The following ATP2B4 variants were observed in gnomAD, a reference collection of about 807,000 sequenced individuals.
The protein encoded by ATP2B4 is ATPase plasma membrane Ca2+ transporting 4.
ATP2B4 carries 39 observed loss-of-function variants against 110.3 expected under a neutral mutation model. The observed-to-expected ratio is 0.35, with a 90% CI of 0.27 to 0.46. The LOEUF (loss-of-function observed/expected upper bound fraction) is 0.46. Among genes scored for constraint, ATP2B4 ranks in the 20% least tolerant of loss-of-function variants. The pLI is 1.00. For synonymous variants in ATP2B4, 538 were observed against 571.7 expected, an observed-to-expected ratio of 0.94 and a Z score of 0.84; for missense variants, 1,135 against 1,530.9, an observed-to-expected ratio of 0.74 and a Z score of 4.32.
chr1:203,681,408 G>A (rs1665005540), intron 1 of ATP2B4, among the ~76,000 whole-genome samples: 1 of 152,206 alleles, frequency 6.6e-6, no homozygotes, highest in African/African-American at 2.4e-5. Context: ...AGAAGTAAGT[G>A]TGGCATCTAT....
rs146752420 is a variant in ATP2B4, at chr1:203,662,311, C to A, written c.-464-20431C>A. Among the ~76,000 whole-genome samples, 21 of 152,330 alleles carry A rather than the reference C, an allele frequency of 1.4e-4. No individual in the cohort carries two copies. In the East Asian group the frequency reaches 3.1e-3, roughly 22 times the overall value. On this transcript the variant is annotated intron_variant, in intron 1 of 20. Transcript: ENST00000357681. ...AAAGTGTTGGGATTACAGGCATGAGCCACCGCTCCCAGCTTATCTTAACCA... is the reference window on the plus strand; with the variant it reads ...AAAGTGTTGGGATTACAGGCATGAGACACCGCTCCCAGCTTATCTTAACCA...
At chr1:203,713,067 C>T (rs1276496807) in intron 13 of ATP2B4, 98 bp from the exon 14 acceptor site, 2 of 1,284,780 alleles carry the variant, frequency 1.6e-6, no homozygotes, top group African/African-American at 1.5e-5. Context: ...CTGTGGTGTA[C>T]CCAATCTCCC....
chr1:203,648,994 C>T (rs897566679), intron 1 of ATP2B4, among the ~76,000 whole-genome samples: 3 of 152,108 alleles, frequency 2.0e-5, no homozygotes, highest in Non-Finnish European at 2.9e-5. Flanking sequence ...CTCTTGAATA[C>T]CTTACAGGGT....
chr1:203,699,834 G>T, intron 4 of ATP2B4, 117 bp downstream of exon 4: 1 of 1,487,956 alleles, frequency 6.7e-7, no homozygotes, highest in Non-Finnish European at 9.1e-7. Context: ...ATCCAAAATT[G>T]TATTCACTTC....
In ATP2B4 at chr1:203,739,731, G is replaced by A. The variant is rs1666958155; in HGVS notation, c.3495G>A (p.Arg1165=). The change falls in exon 21 of 21, where the codon AGG becomes AGA. Residue 1165 remains arginine, a synonymous_variant. Coordinates refer to ENST00000357681, the MANE Select transcript of ATP2B4 (RefSeq NM_001684.5). The part of the protein sequence containing the change: ...NPDKASKFGT[R]VLLLDGEVTP... ...ACAAGGCTTCTAAGTTTGGGACTAG[G>A]GTGCTCCTGTTGGATGGTGAGGTCA... 6.2e-6 allele frequency: 10 copies of A among 1,614,128 alleles called. No individual in the cohort carries two copies. Among genetic ancestry groups the A allele is most frequent in the Non-Finnish European group, 8.5e-6 (10 of 1,180,034 alleles).
In ATP2B4 at chr1:203,700,705, G is replaced by A. The variant is rs1023237672; in HGVS notation, c.776-93G>A. On this transcript the variant is annotated intron_variant, in intron 5 of 20. Transcript: ENST00000357681. ...CACATCATTATCCATGGGGTAGGGA[G>A]GAGTATTTTTTCTTCTAAGTTTGTG... 5.3e-6 allele frequency: 8 copies of A among 1,511,668 alleles called. No homozygotes were observed. In the Admixed American group the frequency reaches 6.9e-5, roughly 13 times the overall value. 93.6% of individuals were successfully genotyped at this position (1,511,668 alleles called of 1,614,324 possible). A position where few individuals can be genotyped will look rare whatever the true frequency, so the allele number is the denominator to read the frequency against.
At chr1:203,652,378 T>G (rs925855693) in intron 1 of ATP2B4, among the ~76,000 whole-genome samples, 2 of 152,168 alleles carry the variant, frequency 1.3e-5, no homozygotes, top group South Asian at 4.1e-4. Flanking sequence ...ACTCCTGACC[T>G]CAAATGATCC....
In ATP2B4 at chr1:203,710,896, C is replaced by G; in HGVS notation, c.1819C>G (p.Arg607Gly). Residue 607 changes from arginine (R) to glycine (G), a missense_variant, in exon 12 of 21, where the codon CGG (arginine) becomes GGG (glycine). Physicochemically the swap from Arg to Gly is moderately radical, Grantham distance 125 (BLOSUM62 -2). This residue lies in a region of ATP2B4 where 368 missense variants were observed against 455.9 expected (regional missense o/e 0.81). Transcript: ENST00000357681. ...ILRKCNRILD[R>G]KGEAVPFKNK... ...CCCCAGGTGTAATCGAATCCTGGAC[C>G]GGAAAGGGGAAGCAGTGCCATTCAA... 2 of 1,613,442 alleles carry G rather than the reference C, an allele frequency of 1.2e-6. No individual in the cohort carries two copies. Among genetic ancestry groups the G allele is most frequent in the Non-Finnish European group, 1.7e-6 (2 of 1,179,720 alleles).
In ATP2B4 at chr1:203,723,868, T is replaced by C; in HGVS notation, c.3025-13T>C. 1 of 1,592,040 alleles carries C rather than the reference T, an allele frequency of 6.3e-7. No homozygotes were observed. Among genetic ancestry groups the C allele is most frequent in the Non-Finnish European group, 8.6e-7 (1 of 1,169,470 alleles). ...ATTTCCTTGATGGTGGGCTGCCCCT[T>C]TCTCTGTTCTAGATTTTCATCGTGG... On this transcript the variant is annotated splice_polypyrimidine_tract_variant and intron_variant, in intron 18 of 20. Transcript: ENST00000357681.
intron 1 of ATP2B4, among the ~76,000 whole-genome samples, chr1:203,639,982 T>C (rs1427505764): frequency 6.6e-6 from 1 of 152,248 alleles, no homozygotes; most frequent in Admixed American, 6.5e-5. Context: ...TTAGCTTCAG[T>C]TGGTACATGC....
chr1:203,712,410 G>A (rs1029832098), intron 13 of ATP2B4, among the ~76,000 whole-genome samples: 3 of 152,048 alleles, frequency 2.0e-5, no homozygotes, highest in African/African-American at 7.2e-5. Flanking sequence ...GGCCAACATG[G>A]TGAAACCCCG....
chr1:203,687,692 G>T (rs886457734), intron 2 of ATP2B4, among the ~76,000 whole-genome samples: 1 of 152,184 alleles, frequency 6.6e-6, no homozygotes, highest in Middle Eastern at 3.4e-3. Flanking sequence ...GGGGGCTTAT[G>T]GAACTTGAAG....
intron 1 of ATP2B4, among the ~76,000 whole-genome samples, chr1:203,636,809 A>C (rs1663452655): frequency 6.6e-6 from 1 of 151,908 alleles, no homozygotes; most frequent in Non-Finnish European, 1.5e-5. Context: ...CCCAAACCAA[A>C]CTCTTTTATC....
rs1329201129 is a variant in ATP2B4 at position 203,710,952 on chromosome 1, T to G, written c.1875T>G (p.Thr625=). The G allele has an allele frequency of 1.2e-6, 2 of 1,614,192 alleles. No homozygotes were observed. Among genetic ancestry groups the G allele is most frequent in the African/African-American group, 2.7e-5 (2 of 75,046 alleles). ...AAGACAGAGATGATATGGTACGCAC[T>G]GTCATCGAGCCCATGGCCTGTGATG... ...KNKDRDDMVR[T]VIEPMACDGL... is the part of the protein sequence containing the mutation. The change falls in exon 12 of 21, where the codon ACT becomes ACG. Residue 625 remains threonine, a synonymous_variant. Transcript: ENST00000357681.
Position 203,721,134 on chromosome 1 carries a change from G to A in ATP2B4, c.2599-63G>A, listed in dbSNP as rs1024641203. 9.4e-5 allele frequency: 148 copies of A among 1,567,986 alleles called. No individual in the cohort carries two copies. In the Admixed American group the frequency reaches 1.9e-3, roughly 20 times the overall value. ...GGTGGGTCGTGGGAGCTGGGCCATC[G>A]ACAGGGCAAAGGTGGGCTGGTTTCA... On this transcript the variant is annotated intron_variant, in intron 16 of 20. Transcript: ENST00000357681.
intron 1 of ATP2B4, among the ~76,000 whole-genome samples, chr1:203,646,342 A>G (rs9943283): frequency 0.98 from 148,725 of 152,298 alleles, 72,741 homozygotes; most frequent in Middle Eastern, 1. Flanking sequence ...CCAAGGGTGC[A>G]GTGGCACGTG....
rs932535787 is a variant in ATP2B4, at chr1:203,682,770, G to A, written c.-436G>A. The A allele has an allele frequency of 1.3e-5, 2 of 154,446 alleles. No individual in the cohort carries two copies. The highest frequency in any genetic ancestry group is 2.4e-5 in the African/African-American group (1 of 41,522). The allele number at this position is 154,446 out of a possible 1,614,324, so 9.6% of individuals were successfully genotyped here. A position where few individuals can be genotyped will look rare whatever the true frequency, so the allele number is the denominator to read the frequency against. On this transcript the variant is annotated 5_prime_UTR_variant, in exon 2 of 21. Coordinates refer to ENST00000357681, the MANE Select transcript of ATP2B4 (RefSeq NM_001684.5). The stretch of plus-strand genomic sequence containing the variant: ...TCCAGTTGTCATCGGTATCCAGGAA[G>A]CTCTCCTCTTCCTCCTCCTGACGTC...
chr1:203,679,470 T>TGGG (rs1664931162), intron 1 of ATP2B4, among the ~76,000 whole-genome samples: 3 of 152,222 alleles, frequency 2.0e-5, no homozygotes, highest in Admixed American at 2.0e-4. Flanking sequence ...AATCTTTTCA[T>TGGG]TCTTTTCCAC....
chr1:203,699,985 A>C (rs1665643878), intron 4 of ATP2B4, among the ~76,000 whole-genome samples: 1 of 152,114 alleles, frequency 6.6e-6, no homozygotes, highest in Non-Finnish European at 1.5e-5. Context: ...GGTGTTGGGG[A>C]TGAATAAGAG....
Sources: gnomAD v4.1 joint callset for allele counts (sites outside exome capture counted in the v4.1 genomes callset) on GRCh38, gnomAD v4.1.1 for gene constraint, gnomAD v4.1.1 regional missense constraint, MANE v1.5 for transcripts, NCBI Gene and HGNC (gene_info 2026-07-23, HGNC 2026-07-21) for gene names.